Variants in LYPD6B observed in about 807,000 individuals in gnomAD.
LYPD6B encodes LY6/PLAUR domain containing 6B.
Under a neutral mutation model 22.8 loss-of-function variants are expected in LYPD6B, and 17 were observed. The ratio of observed to expected loss-of-function variants is 0.75; its 90% confidence interval spans 0.51 to 1.12. The LOEUF (loss-of-function observed/expected upper bound fraction) is 1.12. Among genes scored for constraint, LYPD6B ranks in the 50% most tolerant of loss-of-function variants. The pLI, the probability that LYPD6B is intolerant of heterozygous loss-of-function variation, is 0.00. For missense variants in LYPD6B, 221 were observed against 258.3 expected (o/e 0.86, Z 0.99); for synonymous variants, 106 against 91.6 (o/e 1.16, Z -0.90).
At chr2:149,147,484 A>G (rs1689097514) in intron 2 of LYPD6B, among the ~76,000 whole-genome samples, 1 of 151,712 alleles carries the variant, frequency 6.6e-6, no homozygotes, top group African/African-American at 2.4e-5. Context: ...GCTTTGTTTG[A>G]GGGTTTGTTT....
At chr2:149,134,273 G>A (rs1490685795) in intron 2 of LYPD6B, among the ~76,000 whole-genome samples, 1 of 152,128 alleles carries the variant, frequency 6.6e-6, no homozygotes, top group African/African-American at 2.4e-5. Context: ...TTACAAGTTG[G>A]CTATTCTCAT....
chr2:149,199,400 C>T (rs533608988), intron 3 of LYPD6B, among the ~76,000 whole-genome samples: 2 of 151,230 alleles, frequency 1.3e-5, no homozygotes, highest in Admixed American at 6.6e-5. Context: ...TCACATCTTA[C>T]CAGTGGCTCA....
At chr2:149,048,175 A>G (rs1422843256) in intron 1 of LYPD6B, among the ~76,000 whole-genome samples, 2 of 152,074 alleles carry the variant, frequency 1.3e-5, no homozygotes, top group African/African-American at 4.8e-5. Context: ...CTCATGCCCT[A>G]TAATTTTTTT....
chr2:149,174,979 G>C (rs1227366689), intron 3 of LYPD6B, among the ~76,000 whole-genome samples: 1 of 149,880 alleles, frequency 6.7e-6, no homozygotes, highest in Non-Finnish European at 1.5e-5. Flanking sequence ...GTCTAGTGAA[G>C]GGAAGAGATA....
intron 1 of LYPD6B, among the ~76,000 whole-genome samples, chr2:149,056,553 A>G (rs1683802726): frequency 6.6e-6 from 1 of 152,064 alleles, no homozygotes; most frequent in African/African-American, 2.4e-5. Context: ...ACATTTTCCA[A>G]GAGGAGGAAC....
At chr2:149,120,118 C>T (rs1687211492) in intron 1 of LYPD6B, among the ~76,000 whole-genome samples, 1 of 151,916 alleles carries the variant, frequency 6.6e-6, no homozygotes, top group South Asian at 2.1e-4. Context: ...TGCACCTCTG[C>T]TGTCACAAGC....
chr2:149,103,945 T>A (rs1286096789), intron 1 of LYPD6B, among the ~76,000 whole-genome samples: 1 of 151,648 alleles, frequency 6.6e-6, no homozygotes, highest in Non-Finnish European at 1.5e-5. Flanking sequence ...CCCAGCTAAT[T>A]TTTTATATTT....
intron 3 of LYPD6B, among the ~76,000 whole-genome samples, chr2:149,189,369 C>CAT (rs59507620): frequency 0.25 from 21,880 of 88,424 alleles, 3,274 homozygotes; most frequent in South Asian, 0.43. Context: ...TATATATATA[C>CAT]ACACACATAT....
At chr2:149,208,710 A>T (rs772746163) in intron 5 of LYPD6B, among the ~76,000 whole-genome samples, 1 of 152,246 alleles carries the variant, frequency 6.6e-6, no homozygotes, top group Non-Finnish European at 1.5e-5. Flanking sequence ...CCATCTCAAC[A>T]AAGGATGATT....
intron 1 of LYPD6B, among the ~76,000 whole-genome samples, chr2:149,092,227 G>T (rs80181788): frequency 0.011 from 1,623 of 152,166 alleles, 28 homozygotes; most frequent in African/African-American, 0.034. Flanking sequence ...TGAAGACAGG[G>T]TTTAATGTGT....
chr2:149,156,254 A>G (rs775528873), intron 2 of LYPD6B, among the ~76,000 whole-genome samples: 1 of 152,146 alleles, frequency 6.6e-6, no homozygotes, highest in Admixed American at 6.5e-5. Flanking sequence ...CAGGAAGTTT[A>G]TGAGGTGTTC....
intron 1 of LYPD6B, among the ~76,000 whole-genome samples, chr2:149,098,846 A>G (rs963500968): frequency 6.7e-6 from 1 of 150,324 alleles, no homozygotes; most frequent in Non-Finnish European, 1.5e-5. Context: ...ATGCACTGCC[A>G]CATCCTGCAC....
intron 3 of LYPD6B, among the ~76,000 whole-genome samples, chr2:149,166,542 G>T (rs1032384444): frequency 6.6e-6 from 1 of 152,064 alleles, no homozygotes; most frequent in African/African-American, 2.4e-5. Context: ...GCTATGGAGT[G>T]GGGGAGAGAC....
chr2:149,192,398 A>G (rs1692551369), intron 3 of LYPD6B, among the ~76,000 whole-genome samples: 1 of 150,992 alleles, frequency 6.6e-6, no homozygotes, highest in South Asian at 2.1e-4. Context: ...AAGACATCTC[A>G]AGTGTTTGGC....
chr2:149,039,319 A>G (rs1271219655), intron 1 of LYPD6B, among the ~76,000 whole-genome samples: 2 of 152,084 alleles, frequency 1.3e-5, no homozygotes, highest in Non-Finnish European at 2.9e-5. Context: ...TTGTTGAATA[A>G]CCTACCTTAC....
At chr2:149,152,019 A>G (rs1689411458) in intron 2 of LYPD6B, among the ~76,000 whole-genome samples, 1 of 152,118 alleles carries the variant, frequency 6.6e-6, no homozygotes, top group African/African-American at 2.4e-5. Context: ...ACATTTGCTC[A>G]TCAAAATATT....
intron 2 of LYPD6B, among the ~76,000 whole-genome samples, chr2:149,143,664 G>A (rs910675966): frequency 2.6e-5 from 4 of 152,026 alleles, no homozygotes; most frequent in East Asian, 1.9e-4. Flanking sequence ...GAATCATCAC[G>A]AGATGCAGTA....
intron 1 of LYPD6B, among the ~76,000 whole-genome samples, chr2:149,057,571 C>T (rs936309481): frequency 6.6e-6 from 1 of 152,040 alleles, no homozygotes; most frequent in Non-Finnish European, 1.5e-5. Context: ...GTAAAGTCCC[C>T]TCCAGTCCCT....
At chr2:149,163,128 A>G (rs1690193133) in intron 3 of LYPD6B, among the ~76,000 whole-genome samples, 1 of 152,086 alleles carries the variant, frequency 6.6e-6, no homozygotes, top group Non-Finnish European at 1.5e-5. Context: ...ACTTTATTTT[A>G]TGGCATCTTC....
Sources: allele counts gnomAD v4.1 joint callset (sites outside exome capture counted in the v4.1 genomes callset), GRCh38; gene constraint gnomAD v4.1.1; transcripts MANE v1.5; gene names NCBI Gene and HGNC (gene_info 2026-07-23, HGNC 2026-07-21).